COL12A1: variants seen among roughly 807,000 people sequenced by gnomAD.
COL12A1 encodes the protein collagen alpha-1(XII) chain.
COL12A1 carries 114 observed loss-of-function variants against 349.7 expected under a neutral mutation model. The ratio of observed to expected loss-of-function variants is 0.33; its 90% CI spans 0.28 to 0.38. The LOEUF is 0.38. Ranked by LOEUF, COL12A1 falls within the 10% of genes least tolerant of loss-of-function variation. The pLI, the probability that COL12A1 is intolerant of heterozygous loss-of-function variation, is 1.00. For synonymous variants in COL12A1, 1,369 were observed against 1,329.0 expected, an observed-to-expected ratio of 1.03 and a Z score of -0.66; for missense variants, 3,284 against 3,756.9, an observed-to-expected ratio of 0.87 and a Z score of 3.29.
intron 13 of COL12A1, among the ~76,000 whole-genome samples, chr6:75,167,304 G>A (rs953133800): frequency 1.3e-5 from 2 of 151,962 alleles, no homozygotes; most frequent in East Asian, 3.8e-4. Flanking sequence ...TGTACAGCAC[G>A]TTTTTCCTTT....
Position 75,142,072 on chromosome 6 carries a change from G to A in COL12A1, c.4917C>T (p.Asp1639=), listed in dbSNP as rs80102965. The change falls in exon 27 of 66, where the codon GAC becomes GAT. Residue 1639 remains aspartate, a synonymous_variant. Coordinates refer to ENST00000322507, the MANE Select transcript of COL12A1 (RefSeq NM_004370.6). ...CAGTCACTGGAGGAGACTCCCCCTC[G>A]TCATGTACTGCAGAAACGCTGACTG... ...LYTVSVSAVH[D]EGESPPVTAQ... is the part of the protein sequence containing the mutation. 8.4e-4 allele frequency: 1,350 copies of A among 1,614,036 alleles called. 11 individuals are homozygous for A. The African/African-American group carries it at 0.015, about 18-fold the overall frequency.
rs541247873 is a variant in COL12A1, at chr6:75,120,148, A to AT, written c.7087-676dup. ...TAGATGTTAATAAAATATGATCAGT[A>AT]TTTTTTTTAGAAATACAAATTCCTA... On this transcript the variant is annotated intron_variant, in intron 44 of 65. Transcript: ENST00000322507. Among the ~76,000 whole-genome samples the AT allele has an allele frequency of 3.1e-4, 47 of 152,134 alleles. No individual in the cohort carries two copies. The South Asian group carries it at 9.1e-3, about 30-fold the overall frequency.
intron 2 of COL12A1, among the ~76,000 whole-genome samples, chr6:75,200,169 G>T (rs1279023776): frequency 6.6e-6 from 1 of 152,102 alleles, no homozygotes; most frequent in Non-Finnish European, 1.5e-5. Flanking sequence ...AAAGGCTTTG[G>T]CCCCAAATTT....
chr6:75,126,999 A>C (rs982889607), intron 38 of COL12A1, among the ~76,000 whole-genome samples: 1 of 152,152 alleles, frequency 6.6e-6, no homozygotes, highest in African/African-American at 2.4e-5. Context: ...CACAACTTAT[A>C]AAATCAATGC....
chr6:75,177,978 C>G, intron 11 of COL12A1, 43 bp from the exon 12 acceptor site: 1 of 1,535,162 alleles, frequency 6.5e-7, no homozygotes, highest in Non-Finnish European at 8.7e-7. Flanking sequence ...CATAAATTGA[C>G]TGACTTTATA....
intron 13 of COL12A1, among the ~76,000 whole-genome samples, chr6:75,167,385 T>C (rs1768366659): frequency 6.6e-6 from 1 of 152,182 alleles, no homozygotes; most frequent in South Asian, 2.1e-4. Flanking sequence ...GGAACAGCTG[T>C]TGTGAAATGA....
At position 75,130,014 on chromosome 6, in the gene COL12A1, A is replaced by T; in HGVS notation, c.6210+77T>A. On this transcript the variant is annotated intron_variant, in intron 37 of 65. Transcript: ENST00000322507. ...AAGGACTCAACCGTACTCACAGCAT[A>T]CCTCTAAAGAAGTTTAACTTCACTG... is the stretch of plus-strand genomic sequence containing the variant. The T allele has an allele frequency of 2.0e-6, 3 of 1,518,924 alleles. No homozygotes were observed. The South Asian group carries it at 3.6e-5, about 18-fold the overall frequency. The allele number at this position is 1,518,924 out of a possible 1,614,324, so 94.1% of individuals were successfully genotyped here.
At chr6:75,146,051 A>C (rs375536089) in intron 24 of COL12A1, 51 bp downstream of exon 24, 428 of 1,511,028 alleles carry the variant, frequency 2.8e-4, no homozygotes, top group Non-Finnish European at 3.7e-4. Flanking sequence ...GGCACTATAA[A>C]GCTATAAAGT....
At chr6:75,149,670 G>A (rs1485193320) in intron 21 of COL12A1, among the ~76,000 whole-genome samples, 1 of 152,022 alleles carries the variant, frequency 6.6e-6, no homozygotes, top group South Asian at 2.1e-4. Flanking sequence ...AATCATTCTC[G>A]TATAAACTCT....
intron 60 of COL12A1, among the ~76,000 whole-genome samples, chr6:75,091,874 C>T (rs1172847417): frequency 1.3e-5 from 2 of 152,070 alleles, no homozygotes; most frequent in Admixed American, 6.5e-5. Flanking sequence ...GCCCTTGTAC[C>T]GCCATACTTT....
intron 4 of COL12A1, 124 bp downstream of exon 4, chr6:75,192,087 AC>A: frequency 1.4e-6 from 1 of 692,006 alleles, no homozygotes. Context: ...TAACTAGGAT[AC>A]CAGAAAAAAA....
At chr6:75,155,568 T>C (rs1767710824) in intron 16 of COL12A1, 94 bp downstream of exon 16, 1 of 1,207,450 alleles carries the variant, frequency 8.3e-7, no homozygotes, top group Non-Finnish European at 1.2e-6. Context: ...GACATATAAG[T>C]GATATTTGTG....
chr6:75,177,549 C>T (rs1769026596), intron 12 of COL12A1, 114 bp downstream of exon 12: 3 of 1,338,276 alleles, frequency 2.2e-6, no homozygotes, highest in African/African-American at 1.5e-5. Flanking sequence ...GTCTAACATA[C>T]TCAAACAATT....
intron 12 of COL12A1, among the ~76,000 whole-genome samples, chr6:75,175,932 T>C (rs1308850416): frequency 6.6e-6 from 1 of 152,236 alleles, no homozygotes; most frequent in African/African-American, 2.4e-5. Flanking sequence ...CATGTCCTCT[T>C]TGAAGGTTCC....
chr6:75,092,464 C>T (rs546806431), intron 60 of COL12A1, among the ~76,000 whole-genome samples: 1 of 152,298 alleles, frequency 6.6e-6, no homozygotes, highest in South Asian at 2.1e-4. Context: ...TCATAAGCCT[C>T]TCACCATAAG....
chr6:75,104,125 A>G (rs962755619), intron 54 of COL12A1, among the ~76,000 whole-genome samples: 6 of 152,220 alleles, frequency 3.9e-5, no homozygotes, highest in Non-Finnish European at 1.5e-5. Context: ...ATTTATGTGA[A>G]TTACATTCCT....
intron 42 of COL12A1, 66 bp from the exon 43 acceptor site, chr6:75,123,470 T>C (rs1019496079): frequency 4.7e-6 from 6 of 1,280,868 alleles, no homozygotes; most frequent in African/African-American, 3.0e-5. Context: ...AGAAAGTAAA[T>C]TTTAAGAGCA....
chr6:75,187,387 A>G (rs933696224), intron 8 of COL12A1, among the ~76,000 whole-genome samples: 2 of 152,038 alleles, frequency 1.3e-5, no homozygotes, highest in South Asian at 2.1e-4. Flanking sequence ...GGAAAGTTCC[A>G]ACAGTGGCAG....
chr6:75,190,228 T>A (rs1359923208), intron 5 of COL12A1, among the ~76,000 whole-genome samples: 5 of 151,864 alleles, frequency 3.3e-5, no homozygotes. Flanking sequence ...AAGCAAAGGG[T>A]TTTTATTCCT....
Sources: gnomAD v4.1 joint callset for allele counts (sites outside exome capture counted in the v4.1 genomes callset) on GRCh38, gnomAD v4.1.1 for gene constraint, MANE v1.5 for transcripts, NCBI Gene and HGNC (gene_info 2026-07-23, HGNC 2026-07-21) for gene names.